The following PRG4 variants were observed in gnomAD, a reference collection of about 807,000 sequenced individuals.
PRG4 encodes proteoglycan 4, also known as articular superficial zone protein.
PRG4 carries 61 observed loss-of-function variants against 91.2 expected under a neutral mutation model. That is an observed-to-expected ratio of 0.67 (90% CI 0.54 to 0.83). The LOEUF (loss-of-function observed/expected upper bound fraction) is 0.83, where lower values mean the gene tolerates loss of function less well. PRG4 is among the 40% of genes least tolerant of loss of function. The pLI is 0.00. For missense variants in PRG4, 1,564 were observed against 1,714.2 expected, an observed-to-expected ratio of 0.91 and a Z score of 1.55; for synonymous variants, 576 against 614.2, an observed-to-expected ratio of 0.94 and a Z score of 0.92.
chr1:186,311,263 C>T, intron 9 of PRG4, 93 bp downstream of exon 9: 5 of 1,426,544 alleles, frequency 3.5e-6, no homozygotes, highest in Non-Finnish European at 4.9e-6. Flanking sequence ...CAATATGTGT[C>T]CTTTTAAATA....
intron 8 of PRG4, 85 bp from the exon 9 acceptor site, chr1:186,310,949 A>G: frequency 6.6e-7 from 1 of 1,506,314 alleles, no homozygotes; most frequent in East Asian, 2.3e-5. Flanking sequence ...AATGCATAAG[A>G]AAACTACATT....
chr1:186,313,660 A>C, intron 12 of PRG4, 21 bp from the exon 13 acceptor site: 2 of 1,460,312 alleles, frequency 1.4e-6, no homozygotes, highest in Non-Finnish European at 1.9e-6. Flanking sequence ...TAACTAAAAA[A>C]ATGTTTTCTC....
chr1:186,313,506 G>C (rs1657436047), intron 12 of PRG4, 175 bp from the exon 13 acceptor site: 1 of 551,304 alleles, frequency 1.8e-6, no homozygotes, highest in Admixed American at 3.3e-5. Context: ...CATCAAAAAA[G>C]CTGAAAAGTC....
At chr1:186,310,956 C>A in intron 8 of PRG4, 78 bp from the exon 9 acceptor site, 1 of 1,524,060 alleles carries the variant, frequency 6.6e-7, no homozygotes, top group Non-Finnish European at 9.1e-7. Context: ...AAGAAAACTA[C>A]ATTTTTTTTC....
Position 186,308,019 on chromosome 1 carries a change from C to T in PRG4, c.2300C>T (p.Pro767Leu). 1.2e-6 allele frequency: 2 copies of T among 1,610,160 alleles called. No homozygotes were observed. The highest frequency in any genetic ancestry group is 1.3e-5 in the African/African-American group (1 of 74,132). ...CCAACTACCCCTAAGGAGCCTGCTC[C>T]AACTACCCCTAAGGAGCCTGCTCCA... is the stretch of plus-strand genomic sequence containing the variant. ...TAPTTPKEPAPTTPKEPAPTT... is the reference protein window; with the variant it reads ...TAPTTPKEPALTTPKEPAPTT... Residue 767 changes from proline to leucine, a missense_variant, in exon 7 of 13, where the codon CCA becomes CTA. By Grantham distance (98) the Pro-to-Leu change is moderately conservative (BLOSUM62 -3). Around this residue, in one of 3 missense-constraint regions of PRG4, gnomAD observed 1,079 missense variants for 1,162.2 expected, o/e 0.93. Transcript: ENST00000445192.
At chr1:186,298,443 A>C (rs1470793972) in intron 2 of PRG4, among the ~76,000 whole-genome samples, 1 of 152,132 alleles carries the variant, frequency 6.6e-6, no homozygotes, top group Non-Finnish European at 1.5e-5. Flanking sequence ...AAAGTAGGAC[A>C]GACACCTAAT....
intron 6 of PRG4, 132 bp from the exon 7 acceptor site, chr1:186,306,186 T>C: frequency 1.4e-6 from 1 of 719,986 alleles, no homozygotes; most frequent in South Asian, 2.2e-5. Flanking sequence ...TTACAACAAA[T>C]TAAAGGACAT....
chr1:186,298,244 G>A (rs1287156201), intron 2 of PRG4, among the ~76,000 whole-genome samples: 2 of 152,018 alleles, frequency 1.3e-5, no homozygotes, highest in African/African-American at 2.4e-5. Context: ...TTAGCCAGGT[G>A]TGGTAGTGTG....
In PRG4 at chr1:186,308,724, A is replaced by G. The variant is rs1656939449; in HGVS notation, c.3005A>G (p.Glu1002Gly). The change falls in exon 7 of 13, where the codon GAA (glutamate) becomes GGA (glycine). Residue 1002 changes from glutamate to glycine, a missense_variant. By Grantham distance (98) the Glu-to-Gly change is moderately conservative. This residue lies in a region of PRG4 where 1,079 missense variants were observed against 1,162.2 expected (regional missense o/e 0.93). Coordinates refer to ENST00000445192, the MANE Select transcript of PRG4 (RefSeq NM_005807.6). ...ACCACTGAGATTATGAACAAACCTG[A>G]AGAAACAGCTAAACCAAAAGACAGA... ...ITTTEIMNKP[E>G]ETAKPKDRAT... The G allele has an allele frequency of 6.2e-7, 1 of 1,613,850 alleles. No homozygotes were observed. The highest frequency in any genetic ancestry group is 8.5e-7 in the Non-Finnish European group (1 of 1,180,046).
At chr1:186,313,394 A>G (rs1277009391) in intron 12 of PRG4, 1 of 376,190 alleles carries the variant, frequency 2.7e-6, no homozygotes, top group African/African-American at 2.0e-5. Context: ...AATAACCCCA[A>G]GTAAATTATT....
At position 186,306,976 on chromosome 1, in the gene PRG4, G is replaced by A. The variant is rs1215976881; in HGVS notation, c.1257G>A (p.Glu419=). The change falls in exon 7 of 13, where the codon GAG becomes GAA. Residue 419 remains glutamate (E), a synonymous_variant. Coordinates refer to ENST00000445192, the MANE Select transcript of PRG4 (RefSeq NM_005807.6). ...AGCCTGCACCCACCACCACCAAGGA[G>A]CCTGCACCCACCACCACCAAGTCTG... The part of the protein sequence containing the change: ...PKEPAPTTTK[E]PAPTTTKSAP... 1.9e-6 allele frequency: 3 copies of A among 1,590,076 alleles called. No homozygotes were observed. Among genetic ancestry groups the A allele is most frequent in the Non-Finnish European group, 2.6e-6 (3 of 1,172,880 alleles).
rs1657493575 is a variant in PRG4 at position 186,314,176 on chromosome 1, G to A, written c.*398G>A. 3.2e-6 allele frequency: 2 copies of A among 634,846 alleles called. No individual in the cohort carries two copies. The highest frequency in any genetic ancestry group is 5.3e-6 in the Non-Finnish European group (2 of 380,910). The allele number at this position is 634,846 out of a possible 1,614,324, so 39.3% of individuals were successfully genotyped here. A position where few individuals can be genotyped will look rare whatever the true frequency, so the allele number is the denominator to read the frequency against. On this transcript the variant is annotated 3_prime_UTR_variant, in exon 13 of 13. Coordinates refer to ENST00000445192, the MANE Select transcript of PRG4 (RefSeq NM_005807.6). ...ACAACTTCAATGGAAATTATTACAAGCAGATTAATCCCTCTTTTTGTGACA... is the reference window on the plus strand; with the variant it reads ...ACAACTTCAATGGAAATTATTACAAACAGATTAATCCCTCTTTTTGTGACA...
intron 2 of PRG4, among the ~76,000 whole-genome samples, chr1:186,298,480 G>A (rs1333579848): frequency 6.6e-6 from 1 of 150,942 alleles, no homozygotes; most frequent in Admixed American, 6.6e-5. Context: ...TTCCTGTAAG[G>A]ATGATTTCCT....
At position 186,308,304 on chromosome 1, in the gene PRG4, C is replaced by T; in HGVS notation, c.2585C>T (p.Thr862Ile). 2 of 1,614,020 alleles carry T rather than the reference C, an allele frequency of 1.2e-6. No homozygotes were observed. Among genetic ancestry groups the T allele is most frequent in the Non-Finnish European group, 1.7e-6 (2 of 1,180,024 alleles). ...ACTTCAGAGGTCTCTACTCCAACTA[C>T]CACCAAGGAGCCTACCACTATCCAC... ...PTTSEVSTPT[T>I]TKEPTTIHKS... The change falls in exon 7 of 13, where the codon ACC becomes ATC. Residue 862 changes from threonine (T) to isoleucine (I), a missense_variant. Thr to Ile is a moderately conservative substitution (Grantham distance 89). Coordinates refer to ENST00000445192, the MANE Select transcript of PRG4 (RefSeq NM_005807.6).
chr1:186,310,450 T>C (rs1657112831), intron 8 of PRG4, among the ~76,000 whole-genome samples: 1 of 152,084 alleles, frequency 6.6e-6, no homozygotes, highest in African/African-American at 2.4e-5. Context: ...ATAAAGAAAT[T>C]GAGATCTAAA....
Position 186,312,281 on chromosome 1 carries a change from G to A in PRG4, c.3900G>A (p.Arg1300=). ...TGTATGGAGAAACGACACAGGTTAG[G>A]AGACGTCGCTTTGAACGTGCTATAG... ...YPVYGETTQV[R]RRRFERAIGP... The change falls in exon 11 of 13, where the codon AGG becomes AGA. Residue 1300 remains arginine (R), a synonymous_variant. Transcript: ENST00000445192. The A allele has an allele frequency of 6.2e-7, 1 of 1,613,926 alleles. No homozygotes were observed. Among genetic ancestry groups the A allele is most frequent in the Non-Finnish European group, 8.5e-7 (1 of 1,179,930 alleles).
chr1:186,299,822 A>T (rs1453681051), intron 2 of PRG4, among the ~76,000 whole-genome samples: 1 of 152,206 alleles, frequency 6.6e-6, no homozygotes, highest in Admixed American at 6.5e-5. Context: ...CCTCTTCCTT[A>T]GGAGTATCAC....
chr1:186,313,061 A>AAAGC, intron 12 of PRG4, 167 bp downstream of exon 12: 1 of 699,938 alleles, frequency 1.4e-6, no homozygotes, highest in Non-Finnish European at 2.4e-6. Flanking sequence ...AATTTCAATT[A>AAAGC]AAATGATGGC....
chr1:186,304,904 T>C lies in PRG4; in HGVS notation c.580T>C (p.Leu194=). 2 of 1,613,058 alleles carry C rather than the reference T, an allele frequency of 1.2e-6. No individual in the cohort carries two copies. The highest frequency in any genetic ancestry group is 1.7e-6 in the Non-Finnish European group (2 of 1,179,394). Residue 194 remains leucine (L), a synonymous_variant, in exon 6 of 13, where the codon TTA becomes CTA. Transcript: ENST00000445192. ...SSKNSAANRE[L]QKKLKVKDNK... ...CAAAAATTCAGCTGCTAATAGAGAATTACAGAAGAAACTCAAAGGTTTGAG... is the reference window on the plus strand; with the variant it reads ...CAAAAATTCAGCTGCTAATAGAGAACTACAGAAGAAACTCAAAGGTTTGAG...
Sources: allele counts gnomAD v4.1 joint callset (sites outside exome capture counted in the v4.1 genomes callset), GRCh38; gene constraint gnomAD v4.1.1; regional missense constraint gnomAD v4.1.1; transcripts MANE v1.5; gene names NCBI Gene and HGNC (gene_info 2026-07-23, HGNC 2026-07-21).